Variants in SAMSN1 observed in about 807,000 individuals in gnomAD.
The protein encoded by SAMSN1 is SAM domain, SH3 domain and nuclear localization signals 1.
SAMSN1 carries 31 observed loss-of-function variants against 42.0 expected under a neutral mutation model. The observed-to-expected ratio is 0.74, with a 90% CI of 0.55 to 1.00. The LOEUF (loss-of-function observed/expected upper bound fraction) is 1.00, where lower values mean the gene tolerates loss of function less well. Ranked by LOEUF, SAMSN1 falls within the 50% of genes least tolerant of loss-of-function variation. The pLI is 0.00. For missense variants in SAMSN1, 464 were observed against 439.4 expected, an observed-to-expected ratio of 1.06 and a Z score of -0.50; for synonymous variants, 178 against 151.9, an observed-to-expected ratio of 1.17 and a Z score of -1.26.
intron 1 of SAMSN1, among the ~76,000 whole-genome samples, chr21:14,533,608 C>T (rs1317528899): frequency 6.6e-6 from 1 of 152,112 alleles, no homozygotes; most frequent in Non-Finnish European, 1.5e-5. Context: ...TTTAAGCTTG[C>T]AGAAATATAC....
chr21:14,541,164 G>A (rs1453280826), intron 1 of SAMSN1, among the ~76,000 whole-genome samples: 1 of 151,780 alleles, frequency 6.6e-6, no homozygotes, highest in African/African-American at 2.4e-5. Context: ...ATAGCATTAA[G>A]AGAAATACCT....
chr21:14,555,554 C>T (rs184715469), intron 2 of SAMSN1, among the ~76,000 whole-genome samples: 2 of 152,282 alleles, frequency 1.3e-5, no homozygotes, highest in Non-Finnish European at 2.9e-5. Context: ...CAGAATGACA[C>T]AGTAGGAAGA....
At chr21:14,510,159 A>T (rs557160884) in intron 5 of SAMSN1, 151 bp downstream of exon 5, 1 of 715,896 alleles carries the variant, frequency 1.4e-6, no homozygotes, top group South Asian at 2.1e-5. Context: ...AAAAAAAAGA[A>T]AAAAAGTCTT....
At chr21:14,614,283 G>T (rs887184600) in intron 3 of SAMSN1, among the ~76,000 whole-genome samples, 1 of 152,086 alleles carries the variant, frequency 6.6e-6, no homozygotes, top group African/African-American at 2.4e-5. Context: ...AAAACAGTGG[G>T]GATGCAGTTG....
chr21:14,601,418 G>A (rs1032519612), intron 6 of SAMSN1, among the ~76,000 whole-genome samples: 10 of 152,104 alleles, frequency 6.6e-5, no homozygotes, highest in Admixed American at 2.6e-4. Flanking sequence ...CCACTGCACC[G>A]AAGAAGTTCA....
At chr21:14,614,771 T>C (rs1198481236) in intron 3 of SAMSN1, among the ~76,000 whole-genome samples, 5 of 152,190 alleles carry the variant, frequency 3.3e-5, no homozygotes, top group Admixed American at 3.3e-4. Flanking sequence ...TAAAGTGATG[T>C]AGGTGTATAA....
Position 14,577,277 on chromosome 21 carries a change from TATATA to T in SAMSN1, c.261+4854_261+4858del, listed in dbSNP as rs1445262201. Among the ~76,000 whole-genome samples, 462 of 54,026 alleles carry T rather than the reference TATATA, an allele frequency of 8.6e-3. 38 individuals carry two copies. Among genetic ancestry groups the T allele is most frequent in the African/African-American group, 0.018 (172 of 9,452 alleles). The allele number at this position is 54,026 out of a possible 152,430, so 35.4% of individuals were successfully genotyped here. A position where few individuals can be genotyped will look rare whatever the true frequency, so the allele number is the denominator to read the frequency against. ...ATATATATATATATATATATATATA[TATATA>T]TATTTTTTTTTTAGAAGAGACAGGG... On this transcript the variant is annotated intron_variant, in intron 2 of 8. Transcript: ENST00000285670.
intron 1 of SAMSN1, among the ~76,000 whole-genome samples, chr21:14,544,380 A>G (rs1452872408): frequency 2.0e-5 from 3 of 152,198 alleles, no homozygotes; most frequent in Non-Finnish European, 4.4e-5. Context: ...TATAATATGC[A>G]AAGAAAATTA....
chr21:14,565,672 G>C (rs1273382243), intron 2 of SAMSN1, among the ~76,000 whole-genome samples: 1 of 152,156 alleles, frequency 6.6e-6, no homozygotes, highest in Non-Finnish European at 1.5e-5. Flanking sequence ...CACAGAAAGA[G>C]ACTGTGGATC....
chr21:14,556,852 T>C (rs2123189352), intron 2 of SAMSN1, among the ~76,000 whole-genome samples: 1 of 152,332 alleles, frequency 6.6e-6, no homozygotes, highest in Non-Finnish European at 1.5e-5. Context: ...TCCATAACAT[T>C]TGCAGCCATG....
At chr21:14,624,668 A>G (rs1371666621) in intron 2 of SAMSN1, among the ~76,000 whole-genome samples, 2 of 152,222 alleles carry the variant, frequency 1.3e-5, no homozygotes, top group African/African-American at 4.8e-5. Flanking sequence ...CCAGGACCAG[A>G]TGGATTCACA....
In SAMSN1 at chr21:14,512,496, G is replaced by T; in HGVS notation, c.357C>A (p.Ser119=). The T allele has an allele frequency of 6.2e-7, 1 of 1,613,764 alleles. No individual in the cohort carries two copies. Among genetic ancestry groups the T allele is most frequent in the South Asian group, 1.1e-5 (1 of 91,076 alleles). ...TATCCATGGAGTCACTGGCTTTGAG[G>T]GACACCTTCTCTGTGTGGGTCCCAA... The part of the protein sequence containing the change: ...PVIGTHTEKV[S]LKASDSMDSL... The change falls in exon 4 of 8, where the codon TCC becomes TCA. Residue 119 remains serine (S), a synonymous_variant. Transcript: ENST00000400566.
chr21:14,553,239 A>G (rs1038096172), intron 2 of SAMSN1, among the ~76,000 whole-genome samples: 1 of 152,064 alleles, frequency 6.6e-6, no homozygotes, highest in African/African-American at 2.4e-5. Context: ...TATAAATAAT[A>G]TTATTCATGG....
chr21:14,650,275 T>A (rs1049014616), intron 1 of SAMSN1, among the ~76,000 whole-genome samples: 1 of 152,104 alleles, frequency 6.6e-6, no homozygotes, highest in African/African-American at 2.4e-5. Context: ...TTCTCAAGAA[T>A]ACAACATATG....
intron 5 of SAMSN1, among the ~76,000 whole-genome samples, chr21:14,503,357 ATCCAGCAAGAAAATGGGGTCCTTAG>A (rs1419366585): frequency 6.6e-6 from 1 of 152,144 alleles, no homozygotes; most frequent in African/African-American, 2.4e-5. Flanking sequence ...TCCAGTTGAT[ATCCAGCAAGAAAATGGGGTCCTTAG>A]TCCTACAACC....
At chr21:14,652,657 T>G (rs1294984624) in intron 1 of SAMSN1, among the ~76,000 whole-genome samples, 1 of 151,870 alleles carries the variant, frequency 6.6e-6, no homozygotes, top group African/African-American at 2.4e-5. Flanking sequence ...TCCCCACAAC[T>G]ATAGGCAACC....
chr21:14,501,540 A>G (rs931920183), intron 5 of SAMSN1, among the ~76,000 whole-genome samples: 2 of 152,240 alleles, frequency 1.3e-5, no homozygotes, highest in East Asian at 1.9e-4. Flanking sequence ...AGCTCAAGTT[A>G]TCATTCCAGG....
exon 2 of SAMSN1, chr21:14,643,005 G>A (rs1217873126): frequency 9.8e-6 from 7 of 716,870 alleles, no homozygotes; most frequent in African/African-American, 7.0e-5. Flanking sequence ...CACTCACCAC[G>A]AAGAGATTGT....
At chr21:14,595,079 C>T (rs1371282253) in intron 6 of SAMSN1, among the ~76,000 whole-genome samples, 1 of 152,112 alleles carries the variant, frequency 6.6e-6, no homozygotes, top group Admixed American at 6.6e-5. Context: ...CATGAGAACT[C>T]ACTTACTGTC....
Sources: allele counts gnomAD v4.1 joint callset (sites outside exome capture counted in the v4.1 genomes callset), GRCh38; gene constraint gnomAD v4.1.1; transcripts MANE v1.5; gene names NCBI Gene and HGNC (gene_info 2026-07-23, HGNC 2026-07-21).